The following FRMPD4 variants were observed in gnomAD, a reference collection of about 807,000 sequenced individuals.
FRMPD4 encodes FERM and PDZ domain-containing protein 4.
In FRMPD4, 22 loss-of-function variants were observed where a neutral mutation model predicts 94.1. The ratio of observed to expected loss-of-function variants is 0.23; its 90% confidence interval spans 0.17 to 0.33. The LOEUF (loss-of-function observed/expected upper bound fraction) is 0.33, where lower values mean the gene tolerates loss of function less well. Among genes scored for constraint, FRMPD4 ranks in the 10% least tolerant of loss-of-function variants. FRMPD4 has a pLI of 1.00. For synonymous variants in FRMPD4, 631 were observed against 548.6 expected, an observed-to-expected ratio of 1.15 and a Z score of -2.10; for missense variants, 1,111 against 1,339.9, an observed-to-expected ratio of 0.83 and a Z score of 2.67.
intron 3 of FRMPD4, among the ~76,000 whole-genome samples, chrX:12,090,686 A>G (rs2055146925): frequency 8.9e-6 from 1 of 111,849 alleles, no homozygotes; most frequent in Non-Finnish European, 1.9e-5. Flanking sequence ...TTTAAAAACG[A>G]GATAAGGAAA....
intron 2 of FRMPD4, among the ~76,000 whole-genome samples, chrX:12,565,444 A>C (rs780351041): frequency 1.8e-5 from 2 of 112,444 alleles, no homozygotes; most frequent in East Asian, 5.6e-4. Flanking sequence ...GACACCACTG[A>C]CATAATATAA....
At chrX:12,060,215 T>C (rs1372744281) in intron 3 of FRMPD4, among the ~76,000 whole-genome samples, 1 of 110,274 alleles carries the variant, frequency 9.1e-6, no homozygotes, top group Non-Finnish European at 1.9e-5. Flanking sequence ...ATTTATATTC[T>C]CACCAACAGT....
intron 1 of FRMPD4, chrX:12,495,135 T>C: frequency 4.4e-6 from 1 of 229,552 alleles, no homozygotes; most frequent in Non-Finnish European, 6.3e-6. Context: ...TCTGACATTC[T>C]GGGAAGGTGT....
At chrX:12,263,019 C>T (rs2054216337) in intron 1 of FRMPD4, among the ~76,000 whole-genome samples, 1 of 111,521 alleles carries the variant, frequency 9.0e-6, no homozygotes, top group African/African-American at 3.3e-5. Flanking sequence ...ACCTAGGAGC[C>T]TTATTTTGTT....
intron 2 of FRMPD4, among the ~76,000 whole-genome samples, chrX:12,533,620 C>T (rs760238407): frequency 8.9e-6 from 1 of 111,964 alleles, no homozygotes; most frequent in South Asian, 3.7e-4. Flanking sequence ...AGATGAGGAA[C>T]TTGATGGGAA....
intron 1 of FRMPD4, among the ~76,000 whole-genome samples, chrX:12,378,992 T>A (rs1324300084): frequency 8.9e-6 from 1 of 111,879 alleles, no homozygotes; most frequent in Non-Finnish European, 1.9e-5. Context: ...TCTAATTGTT[T>A]ACTTTCCCAA....
chrX:12,578,612 C>G (rs1330641994), intron 2 of FRMPD4, among the ~76,000 whole-genome samples: 1 of 111,545 alleles, frequency 9.0e-6, no homozygotes, highest in African/African-American at 3.3e-5. Context: ...GTTTTCGAAC[C>G]CTTTTTTATT....
At chrX:12,117,548 C>G (rs749276438) in intron 3 of FRMPD4, among the ~76,000 whole-genome samples, 131 of 111,740 alleles carry the variant, frequency 1.2e-3, no homozygotes, top group Admixed American at 4.8e-4. Context: ...ATATTGAACT[C>G]ACACCAATTA....
At chrX:12,228,722 T>C (rs1239150503) in intron 1 of FRMPD4, among the ~76,000 whole-genome samples, 1 of 112,631 alleles carries the variant, frequency 8.9e-6, no homozygotes, top group African/African-American at 3.2e-5. Context: ...AAATTTCCAA[T>C]TTTCAACATG....
At chrX:12,274,609 A>G (rs1481622110) in intron 1 of FRMPD4, among the ~76,000 whole-genome samples, 2 of 112,501 alleles carry the variant, frequency 1.8e-5, no homozygotes, top group Non-Finnish European at 3.8e-5. Context: ...AAGGAGGGAA[A>G]GGGGCCCAGT....
chrX:12,562,082 A>G, intron 2 of FRMPD4, among the ~76,000 whole-genome samples: 1 of 112,153 alleles, frequency 8.9e-6, no homozygotes, highest in Non-Finnish European at 1.9e-5. Context: ...AATTTATTCA[A>G]GGGATTCTAA....
At chrX:12,533,890 A>C (rs1186981992) in intron 2 of FRMPD4, among the ~76,000 whole-genome samples, 2 of 112,875 alleles carry the variant, frequency 1.8e-5, no homozygotes, top group African/African-American at 6.4e-5. Flanking sequence ...TTTTCTGAGG[A>C]GAAATTCAAG....
At chrX:12,692,118 AT>A (rs1301032832) in intron 8 of FRMPD4, among the ~76,000 whole-genome samples, 1 of 112,512 alleles carries the variant, frequency 8.9e-6, no homozygotes, top group East Asian at 2.8e-4. Flanking sequence ...CTTCATGCTG[AT>A]TTAGTTGGAC....
Position 12,623,773 on chromosome X carries a change from G to T in FRMPD4, c.422+8892G>T, listed in dbSNP as rs753481737. Among the ~76,000 whole-genome samples, 5 of 111,800 alleles carry T rather than the reference G, an allele frequency of 4.5e-5. No individual in the cohort carries two copies. In the East Asian group the frequency reaches 1.4e-3, roughly 31 times the overall value. ...GAATATTGAAAGCAGCAAGAGAAAA[G>T]CAACTTGTCACATGCAAGAAAACCC... On this transcript the variant is annotated intron_variant, in intron 4 of 16. Transcript: ENST00000675598.
At chrX:12,627,219 T>C (rs1282967151) in intron 4 of FRMPD4, among the ~76,000 whole-genome samples, 1 of 111,992 alleles carries the variant, frequency 8.9e-6, no homozygotes, top group South Asian at 3.8e-4. Flanking sequence ...GAGGTTTTAG[T>C]GAGCCGAGAT....
chrX:12,275,494 A>T (rs1270188368), intron 1 of FRMPD4, among the ~76,000 whole-genome samples: 1 of 110,894 alleles, frequency 9.0e-6, no homozygotes, highest in East Asian at 2.9e-4. Flanking sequence ...GGAGGCAGTG[A>T]GGCTGCCAGC....
At chrX:12,199,683 A>G (rs943849389) in intron 1 of FRMPD4, among the ~76,000 whole-genome samples, 151 of 112,139 alleles carry the variant, frequency 1.3e-3, no homozygotes, top group African/African-American at 4.6e-3. Context: ...TGGCTTCTCC[A>G]TGTCTGCTGC....
chrX:12,264,545 GATA>G (rs1311184147), intron 1 of FRMPD4, among the ~76,000 whole-genome samples: 3 of 112,124 alleles, frequency 2.7e-5, no homozygotes, highest in Non-Finnish European at 3.8e-5. Flanking sequence ...AATACTGTAT[GATA>G]ATAATTCAAT....
chrX:12,657,993 A>AC (rs2059675753), intron 4 of FRMPD4, among the ~76,000 whole-genome samples: 1 of 111,497 alleles, frequency 9.0e-6, no homozygotes, highest in Admixed American at 9.5e-5. Context: ...AAACCCATGA[A>AC]CCCTGAAAGA....
Sources: gnomAD v4.1 joint callset for allele counts (sites outside exome capture counted in the v4.1 genomes callset) on GRCh38, gnomAD v4.1.1 for gene constraint, MANE v1.5 for transcripts, NCBI Gene and HGNC (gene_info 2026-07-23, HGNC 2026-07-21) for gene names.